CHN2: variants seen among roughly 807,000 people sequenced by gnomAD.
CHN2 encodes chimerin 2.
CHN2 carries 35 observed loss-of-function variants against 56.3 expected under a neutral mutation model. That is an observed-to-expected ratio of 0.62 (90% CI 0.47 to 0.82). CHN2 has a LOEUF of 0.82. Ranked by LOEUF, CHN2 falls within the 40% of genes least tolerant of loss-of-function variation. The pLI is 0.00. For synonymous variants in CHN2, 210 were observed against 212.8 expected, an observed-to-expected ratio of 0.99 and a Z score of 0.12; for missense variants, 491 against 580.5, an observed-to-expected ratio of 0.85 and a Z score of 1.58.
chr7:29,263,264 G>C (rs112358005), intron 1 of CHN2, among the ~76,000 whole-genome samples: 5,624 of 152,310 alleles, frequency 0.037, 337 homozygotes, highest in African/African-American at 0.13. Context: ...TCCTGACTGC[G>C]AGTGGTCTGC....
intron 6 of CHN2, among the ~76,000 whole-genome samples, chr7:29,474,608 C>T (rs6978468): frequency 0.012 from 1,820 of 152,218 alleles, 31 homozygotes; most frequent in African/African-American, 0.041. Flanking sequence ...AACAGCAGGA[C>T]AGTGTTTGGA....
At chr7:29,440,461 C>A (rs149598426) in intron 6 of CHN2, among the ~76,000 whole-genome samples, 2,018 of 151,994 alleles carry the variant, frequency 0.013, 33 homozygotes, top group African/African-American at 0.043. Context: ...GAGGCCGAGG[C>A]GGGTGGATCA....
At chr7:29,408,912 C>T (rs559736034) in intron 6 of CHN2, among the ~76,000 whole-genome samples, 7 of 152,330 alleles carry the variant, frequency 4.6e-5, no homozygotes, top group African/African-American at 1.7e-4. Flanking sequence ...TTTAGAGACA[C>T]GGCTCCCGAG....
rs147407230 is a variant in CHN2 at position 29,197,918 on chromosome 7, G to A, written c.49+2928G>A. On this transcript the variant is annotated intron_variant, in intron 1 of 12. Coordinates refer to ENST00000222792, the MANE Select transcript of CHN2 (RefSeq NM_004067.4). ...CTTGAAAGCTGAGTAGAATTTTTCC[G>A]GAAAACAAATGGAGAAAAAGACATT... The A allele has an allele frequency of 5.8e-4, 265 of 456,214 alleles. 2 individuals are homozygous for A. The highest frequency in any genetic ancestry group is 3.8e-3 in the African/African-American group (192 of 50,182). The allele number at this position is 456,214 out of a possible 1,614,324, so 28.3% of individuals were successfully genotyped here. A position where few individuals can be genotyped will look rare whatever the true frequency, so the allele number is the denominator to read the frequency against.
At chr7:29,181,852 A>G (rs1798094941) in intron 2 of CHN2, among the ~76,000 whole-genome samples, 2 of 152,072 alleles carry the variant, frequency 1.3e-5, no homozygotes, top group South Asian at 2.1e-4. Flanking sequence ...CTAAACTGCT[A>G]ATTCCTAAGG....
intron 1 of CHN2, among the ~76,000 whole-genome samples, chr7:29,265,682 T>G (rs566219821): frequency 6.6e-6 from 1 of 152,192 alleles, no homozygotes; most frequent in Non-Finnish European, 1.5e-5. Context: ...AAGAGGGCTC[T>G]CTCTCTGGTT....
At chr7:29,148,476 C>T (rs1444058695) in intron 2 of CHN2, 6 of 152,120 alleles carry the variant, frequency 3.9e-5, no homozygotes, top group African/African-American at 1.2e-4. Context: ...TTGAATAACA[C>T]GTTTTAACTT....
At chr7:29,311,409 T>C (rs532902502) in intron 1 of CHN2, among the ~76,000 whole-genome samples, 1 of 152,380 alleles carries the variant, frequency 6.6e-6, no homozygotes, top group Non-Finnish European at 1.5e-5. Flanking sequence ...TTTTAATCTC[T>C]ACTGCGCTTC....
intron 6 of CHN2, among the ~76,000 whole-genome samples, chr7:29,440,916 TTTA>T (rs1783601723): frequency 6.6e-6 from 1 of 152,140 alleles, no homozygotes; most frequent in Non-Finnish European, 1.5e-5. Context: ...TTTTTTGTTT[TTTA>T]TTATTTATTG....
At chr7:29,218,898 A>G (rs1040353321) in intron 1 of CHN2, among the ~76,000 whole-genome samples, 14 of 151,910 alleles carry the variant, frequency 9.2e-5, no homozygotes, top group Admixed American at 3.3e-4. Flanking sequence ...GCACATGTAT[A>G]CATATGTAAC....
chr7:29,268,093 A>G (rs245994), intron 1 of CHN2, among the ~76,000 whole-genome samples: 15,444 of 152,066 alleles, frequency 0.1, 1,044 homozygotes, highest in African/African-American at 0.19. Context: ...CCTTTTGAGT[A>G]TCTTTATTTT....
chr7:29,443,809 C>T (rs1001896856), intron 6 of CHN2, among the ~76,000 whole-genome samples: 1 of 152,112 alleles, frequency 6.6e-6, no homozygotes, highest in Admixed American at 6.5e-5. Context: ...TCTCCCTGCT[C>T]CCACTCAGTA....
At chr7:29,162,254 C>T (rs1249407276) in intron 2 of CHN2, among the ~76,000 whole-genome samples, 1 of 152,048 alleles carries the variant, frequency 6.6e-6, no homozygotes, top group African/African-American at 2.4e-5. Context: ...CGGAAATGAC[C>T]CAAATGCTCT....
intron 2 of CHN2, among the ~76,000 whole-genome samples, chr7:29,171,365 C>A (rs936026572): frequency 2.0e-5 from 3 of 152,104 alleles, no homozygotes; most frequent in African/African-American, 7.2e-5. Context: ...GGATACAAAC[C>A]AACATAATAC....
intron 1 of CHN2, among the ~76,000 whole-genome samples, chr7:29,336,759 C>G (rs1796648446): frequency 5.8e-5 from 4 of 68,550 alleles, no homozygotes; most frequent in East Asian, 5.3e-4. Flanking sequence ...GATTCTGTCT[C>G]AAAAAAAAAA....
intron 2 of CHN2, among the ~76,000 whole-genome samples, chr7:29,175,311 A>G (rs1207160232): frequency 6.6e-6 from 1 of 151,696 alleles, no homozygotes; most frequent in Non-Finnish European, 1.5e-5. Context: ...AGTAGCTGGG[A>G]TTACAGGCGC....
chr7:29,506,067 T>G (rs1790527824), intron 10 of CHN2, among the ~76,000 whole-genome samples: 1 of 152,184 alleles, frequency 6.6e-6, no homozygotes, highest in South Asian at 2.1e-4. Context: ...AACATTTTTA[T>G]CTAAAAAATG....
At chr7:29,473,482 T>TGTGTGTGTGTGTGTTTG (rs1554299029) in intron 6 of CHN2, among the ~76,000 whole-genome samples, 3 of 118,196 alleles carry the variant, frequency 2.5e-5, no homozygotes, top group Non-Finnish European at 5.2e-5. Context: ...TTTTTTTTTT[T>TGTGTGTGTGTGTGTTTG]TGTGTGTGTG....
intron 2 of CHN2, among the ~76,000 whole-genome samples, chr7:29,158,407 C>G (rs1482645681): frequency 6.6e-6 from 1 of 152,138 alleles, no homozygotes; most frequent in Non-Finnish European, 1.5e-5. Context: ...TGATCCATAA[C>G]CAAAGAAAAC....
Sources: gnomAD v4.1 joint callset for allele counts (sites outside exome capture counted in the v4.1 genomes callset) on GRCh38, gnomAD v4.1.1 for gene constraint, MANE v1.5 for transcripts, NCBI Gene and HGNC (gene_info 2026-07-23, HGNC 2026-07-21) for gene names.